The following CAMTA1 variants were observed in gnomAD, a reference collection of about 807,000 sequenced individuals.
The protein encoded by CAMTA1 is calmodulin binding transcription activator 1, also known as calmodulin-binding transcription activator 1.
CAMTA1 carries 27 observed loss-of-function variants against 170.9 expected under a neutral mutation model. The ratio of observed to expected loss-of-function variants is 0.16; its 90% CI spans 0.12 to 0.22. The LOEUF is 0.22. CAMTA1 is among the 10% of genes least tolerant of loss of function. CAMTA1 has a pLI of 1.00. For missense variants in CAMTA1, 1,619 were observed against 2,217.2 expected (o/e 0.73, Z 5.42); for synonymous variants, 833 against 891.5 (o/e 0.93, Z 1.17).
chr1:7,548,987 A>G (rs1462492587), intron 6 of CAMTA1, among the ~76,000 whole-genome samples: 5 of 129,654 alleles, frequency 3.9e-5, no homozygotes, highest in African/African-American at 1.5e-4. Context: ...GTACCCCCTT[A>G]GGGGTAGAGG....
At position 7,482,140 on chromosome 1, in the gene CAMTA1, T is replaced by C. The variant is rs1259998817; in HGVS notation, c.510+14239T>C. On this transcript the variant is annotated intron_variant, in intron 6 of 22. Transcript: ENST00000303635. This position sits in a 1 kb window ranked among gnomAD's most constrained non-coding sequence, Gnocchi z 4.2. ...CCACATCGTATTTTGCCATTCATCA[T>C]GTTGCTACTGCCTACTGTGTTATTT... Among the ~76,000 whole-genome samples the C allele has an allele frequency of 1.3e-5, 2 of 152,228 alleles. No homozygotes were observed. Among genetic ancestry groups the C allele is most frequent in the East Asian group, 1.9e-4 (1 of 5,196 alleles).
intron 16 of CAMTA1, among the ~76,000 whole-genome samples, chr1:7,743,206 G>T (rs1259340494): frequency 6.6e-6 from 1 of 151,808 alleles, no homozygotes; most frequent in East Asian, 1.9e-4. Context: ...AAAACGAATT[G>T]TTCTTTGATG....
chr1:7,568,715 CCA>C (rs2095080688), intron 6 of CAMTA1, among the ~76,000 whole-genome samples: 1 of 151,260 alleles, frequency 6.6e-6, no homozygotes, highest in African/African-American at 2.4e-5. Flanking sequence ...ACCATCACCA[CCA>C]CCATCCAACA....
chr1:6,818,243 A>T (rs1377239500), intron 1 of CAMTA1, among the ~76,000 whole-genome samples: 1 of 152,200 alleles, frequency 6.6e-6, no homozygotes, highest in Non-Finnish European at 1.5e-5. Flanking sequence ...AGGCTGAGGC[A>T]GGAGAATCAC....
rs1228385686 is a variant in CAMTA1 at position 7,677,656 on chromosome 1, A to G, written c.2837A>G (p.Asn946Ser). Residue 946 changes from asparagine to serine, a missense_variant, in exon 11 of 23, where the codon AAC (asparagine) becomes AGC (serine). Physicochemically the swap from Asn to Ser is conservative, Grantham distance 46 (BLOSUM62 1). Coordinates refer to ENST00000303635, the MANE Select transcript of CAMTA1 (RefSeq NM_015215.4). ...GCCTTCAACAACCAGATCATCTCCA[A>G]CTCGGTGGTGTTTGAGTACAAAGCC... Reference protein sequence around the residue: ...QVAFNNQIISNSVVFEYKARA... With the variant: ...QVAFNNQIISSSVVFEYKARA... 4.3e-6 allele frequency: 7 copies of G among 1,613,504 alleles called. No individual in the cohort carries two copies. The highest frequency in any genetic ancestry group is 5.9e-6 in the Non-Finnish European group (7 of 1,179,890).
At chr1:7,404,460 AC>A (rs2090142721) in intron 5 of CAMTA1, among the ~76,000 whole-genome samples, 1 of 152,236 alleles carries the variant, frequency 6.6e-6, no homozygotes, top group Middle Eastern at 3.2e-3. Flanking sequence ...TTGGGCAGAG[AC>A]CACCTTTTGT....
In CAMTA1 at chr1:7,748,524, T is replaced by C. The variant is rs1177204635; in HGVS notation, c.4689+743T>C. Among the ~76,000 whole-genome samples the C allele has an allele frequency of 1.3e-5, 2 of 152,236 alleles. No individual in the cohort carries two copies. Among genetic ancestry groups the C allele is most frequent in the African/African-American group, 4.8e-5 (2 of 41,466 alleles). ...GGTCTGATCCTAACACCAGTATCTTTGCAGTGAGGATCCGTGGTCCAATAC... is the reference window on the plus strand; with the variant it reads ...GGTCTGATCCTAACACCAGTATCTTCGCAGTGAGGATCCGTGGTCCAATAC... On this transcript the variant is annotated intron_variant, in intron 19 of 22. Transcript: ENST00000303635. This position sits in a 1 kb window ranked among gnomAD's most constrained non-coding sequence, Gnocchi z 4.7.
At chr1:6,917,616 T>TG (rs1353286309) in intron 3 of CAMTA1, among the ~76,000 whole-genome samples, 1 of 151,934 alleles carries the variant, frequency 6.6e-6, no homozygotes, top group African/African-American at 2.4e-5. Context: ...TGGCACCCAC[T>TG]GCCATGACCC....
At chr1:7,429,775 G>A (rs928250832) in intron 5 of CAMTA1, among the ~76,000 whole-genome samples, 1 of 151,466 alleles carries the variant, frequency 6.6e-6, no homozygotes, top group Non-Finnish European at 1.5e-5. Context: ...ATTTCTGCAT[G>A]CTGTACAGGA....
chr1:6,800,320 T>G (rs982755017), intron 1 of CAMTA1, among the ~76,000 whole-genome samples: 5 of 152,144 alleles, frequency 3.3e-5, no homozygotes, highest in Non-Finnish European at 4.4e-5. Flanking sequence ...GGTTGGAGGA[T>G]TACTTGAGCC....
chr1:6,915,132 C>T (rs1288533640), intron 3 of CAMTA1, among the ~76,000 whole-genome samples: 1 of 152,134 alleles, frequency 6.6e-6, no homozygotes, highest in Non-Finnish European at 1.5e-5. Context: ...AAAAGAAAAG[C>T]CACTTTAATG....
At chr1:7,401,031 A>G (rs1557655692) in intron 5 of CAMTA1, among the ~76,000 whole-genome samples, 3 of 152,248 alleles carry the variant, frequency 2.0e-5, no homozygotes, top group Admixed American at 2.0e-4. Context: ...TTGATGAAGT[A>G]AAATGGATCA....
intron 3 of CAMTA1, among the ~76,000 whole-genome samples, chr1:6,960,274 A>G (rs1446211296): frequency 6.6e-6 from 1 of 152,130 alleles, no homozygotes; most frequent in Non-Finnish European, 1.5e-5. Context: ...GAGCAGTTAA[A>G]CGAGACGTGA....
chr1:6,957,396 GT>G (rs1448891267), intron 3 of CAMTA1, among the ~76,000 whole-genome samples: 4 of 152,176 alleles, frequency 2.6e-5, no homozygotes, highest in Non-Finnish European at 4.4e-5. Context: ...AAAGGCAGAA[GT>G]TGGGTCTTGA....
chr1:7,264,462 T>G (rs1292615041), intron 5 of CAMTA1, among the ~76,000 whole-genome samples: 3 of 152,186 alleles, frequency 2.0e-5, no homozygotes, highest in Non-Finnish European at 4.4e-5. Context: ...CTCTTGTCTT[T>G]TAAAAAGATC....
intron 5 of CAMTA1, among the ~76,000 whole-genome samples, chr1:7,260,716 C>T (rs1668037304): frequency 6.6e-6 from 1 of 152,196 alleles, no homozygotes; most frequent in Non-Finnish European, 1.5e-5. Flanking sequence ...TTGCTGGATG[C>T]AACAGAGTCC....
At chr1:7,053,850 G>C (rs1172588693) in intron 3 of CAMTA1, among the ~76,000 whole-genome samples, 1 of 152,204 alleles carries the variant, frequency 6.6e-6, no homozygotes, top group African/African-American at 2.4e-5. Context: ...GAATGAATGA[G>C]TGAATGAATG....
intron 3 of CAMTA1, among the ~76,000 whole-genome samples, chr1:6,840,210 G>T (rs1655113598): frequency 6.6e-6 from 1 of 152,002 alleles, no homozygotes; most frequent in South Asian, 2.1e-4. Flanking sequence ...AAAAAAAAAA[G>T]AGTTGAGATT....
In CAMTA1 at chr1:7,327,138, C is replaced by T. The variant is rs777832527; in HGVS notation, c.438+77512C>T. Among the ~76,000 whole-genome samples the T allele has an allele frequency of 3.2e-4, 49 of 151,716 alleles. 1 individual carries two copies. Among genetic ancestry groups the T allele is most frequent in the Admixed American group, 2.2e-3 (33 of 15,232 alleles). On this transcript the variant is annotated intron_variant, in intron 5 of 22. Transcript: ENST00000303635. ...GATTTAAAAGAGACCAGGAGGAGGC[C>T]GGGCGCAGTGGCTCACGCTTGTAAT...
Sources: allele counts gnomAD v4.1 joint callset (sites outside exome capture counted in the v4.1 genomes callset), GRCh38; gene constraint gnomAD v4.1.1; non-coding constraint Gnocchi (gnomAD v3.1); transcripts MANE v1.5; gene names NCBI Gene and HGNC (gene_info 2026-07-23, HGNC 2026-07-21).